SERPINB10: variants seen among roughly 807,000 people sequenced by gnomAD.
SERPINB10 encodes serpin family B member 10, also known as serpin B10.
SERPINB10 carries 35 observed loss-of-function variants against 39.1 expected under a neutral mutation model. That is an observed-to-expected ratio of 0.90 (90% confidence interval 0.68 to 1.19). The LOEUF is 1.19. Among genes scored for constraint, SERPINB10 ranks in the 50% most tolerant of loss-of-function variants. The pLI, the probability that SERPINB10 is intolerant of heterozygous loss-of-function variation, is 0.00. For missense variants in SERPINB10, 546 were observed against 460.5 expected, an observed-to-expected ratio of 1.19 and a Z score of -1.70; for synonymous variants, 190 against 158.1, an observed-to-expected ratio of 1.20 and a Z score of -1.52.
chr18:63,929,727 AAAAAAAG>A (rs1429556442), intron 5 of SERPINB10, among the ~76,000 whole-genome samples: 6 of 88,458 alleles, frequency 6.8e-5, no homozygotes, highest in Admixed American at 4.2e-4. Context: ...AAAAAAAAAA[AAAAAAAG>A]AAAAAAAAAA....
rs376356839 is a variant in SERPINB10 at position 63,924,322 on chromosome 18, C to G, written c.490+4417C>G. Among the ~76,000 whole-genome samples the G allele has an allele frequency of 3.3e-5, 5 of 152,092 alleles. No homozygotes were observed. The East Asian group carries it at 7.8e-4, about 24-fold the overall frequency. The stretch of plus-strand genomic sequence containing the variant: ...GGGAATTCCTAGTACCTTGGGAACA[C>G]TGTTCTAACTCCACTGTGACATACG... On this transcript the variant is annotated intron_variant, in intron 5 of 7. Coordinates refer to ENST00000238508, the MANE Select transcript of SERPINB10 (RefSeq NM_005024.3).
Position 63,935,398 on chromosome 18 carries a change from A to T in SERPINB10, c.*156A>T. On this transcript the variant is annotated 3_prime_UTR_variant, in exon 8 of 8. Coordinates refer to ENST00000238508, the MANE Select transcript of SERPINB10 (RefSeq NM_005024.3). ...GATCTTGAAATAATGCATTCTAATG[A>T]TCCTGTCATATCTGTACAGCTGGAG... 1 of 687,152 alleles carries T rather than the reference A, an allele frequency of 1.5e-6. No homozygotes were observed. Among genetic ancestry groups the T allele is most frequent in the Non-Finnish European group, 2.4e-6 (1 of 422,834 alleles). The allele number at this position is 687,152 out of a possible 1,614,324, so 42.6% of individuals were successfully genotyped here.
At chr18:63,913,023 G>T (rs887380166) in intron 1 of SERPINB10, among the ~76,000 whole-genome samples, 1 of 151,674 alleles carries the variant, frequency 6.6e-6, no homozygotes, top group Non-Finnish European at 1.5e-5. Context: ...TGTGTTTTCA[G>T]GAATTTATTC....
At chr18:63,921,850 C>T (rs915985312) in intron 5 of SERPINB10, among the ~76,000 whole-genome samples, 3 of 151,784 alleles carry the variant, frequency 2.0e-5, no homozygotes, top group African/African-American at 7.3e-5. Context: ...TAGAATGTCC[C>T]GAACTCCCTG....
At position 63,919,828 on chromosome 18, in the gene SERPINB10, C is replaced by T. The variant is rs1230593029; in HGVS notation, c.413C>T (p.Pro138Leu). Reference protein sequence around the residue: ...EDMKTYFGAEPQPVNFVEASD... With the variant: ...EDMKTYFGAELQPVNFVEASD... ...ATGAAAACATATTTTGGTGCAGAACCTCAGCCTGTTAACTTTGTGGAAGCT... is the reference window on the plus strand; with the variant it reads ...ATGAAAACATATTTTGGTGCAGAACTTCAGCCTGTTAACTTTGTGGAAGCT... The change falls in exon 5 of 8, where the codon CCT (proline) becomes CTT (leucine). Residue 138 changes from proline (P) to leucine (L), a missense_variant. Coordinates refer to ENST00000238508, the MANE Select transcript of SERPINB10 (RefSeq NM_005024.3). 4 of 1,608,972 alleles carry T rather than the reference C, an allele frequency of 2.5e-6. No homozygotes were observed. The highest frequency in any genetic ancestry group is 3.4e-5 in the Admixed American group (2 of 59,380).
rs61733368 is a variant in SERPINB10 at position 63,930,110 on chromosome 18, G to A, written c.556G>A (p.Ala186Thr). The A allele has an allele frequency of 2.4e-4, 394 of 1,613,502 alleles. No homozygotes were observed. The African/African-American group carries it at 4.1e-3, about 17-fold the overall frequency. The change falls in exon 6 of 8, where the codon GCC becomes ACC. Residue 186 changes from alanine to threonine, a missense_variant. Coordinates refer to ENST00000238508, the MANE Select transcript of SERPINB10 (RefSeq NM_005024.3). ...CACAACCAGGATGATTCTGGTGAACGCCCTATACTTTAAAGGAATCTGGGA... is the reference window on the plus strand; with the variant it reads ...CACAACCAGGATGATTCTGGTGAACACCCTATACTTTAAAGGAATCTGGGA... Reference protein sequence around the residue: ...DSTTRMILVNALYFKGIWEHQ... With the variant: ...DSTTRMILVNTLYFKGIWEHQ...
chr18:63,915,040 G>A (rs1383683186), intron 1 of SERPINB10, among the ~76,000 whole-genome samples: 4 of 152,048 alleles, frequency 2.6e-5, no homozygotes, highest in Middle Eastern at 6.8e-3. Flanking sequence ...CGTGAATATC[G>A]TAAATGAGTA....
intron 7 of SERPINB10, 21 bp from the exon 8 acceptor site, chr18:63,934,817 T>G: frequency 6.4e-7 from 1 of 1,573,056 alleles, no homozygotes; most frequent in Non-Finnish European, 8.6e-7. Context: ...GATTCTTTCT[T>G]TCTTGGTTCC....
chr18:63,931,663 T>C (rs1424385519), intron 6 of SERPINB10, among the ~76,000 whole-genome samples: 1 of 152,108 alleles, frequency 6.6e-6, no homozygotes, highest in Non-Finnish European at 1.5e-5. Context: ...AGGGCTCTCA[T>C]ATGTCCCCCC....
chr18:63,929,910 C>T (rs2050209035), intron 5 of SERPINB10, 135 bp from the exon 6 acceptor site: 2 of 833,078 alleles, frequency 2.4e-6, no homozygotes, highest in Non-Finnish European at 3.7e-6. Flanking sequence ...AGTACTTGTC[C>T]ATTTCCAGAA....
chr18:63,919,309 A>G (rs1473552797), intron 4 of SERPINB10, among the ~76,000 whole-genome samples: 2 of 149,642 alleles, frequency 1.3e-5, no homozygotes, highest in Non-Finnish European at 3.0e-5. Flanking sequence ...TCATGGCAGG[A>G]TATCATTTTC....
Position 63,908,055 on chromosome 18 carries a change from T to C in SERPINB10, c.-10+15T>C. On this transcript the variant is annotated intron_variant, in intron 1 of 7. Coordinates refer to ENST00000238508, the MANE Select transcript of SERPINB10 (RefSeq NM_005024.3). ...GAGAAAACAAGGTATTGTAAATATTTCTTTGGTTAATGATTTTATTTATGT... is the reference window on the plus strand; with the variant it reads ...GAGAAAACAAGGTATTGTAAATATTCCTTTGGTTAATGATTTTATTTATGT... 3.1e-6 allele frequency: 1 copy of C among 317,894 alleles called. No individual in the cohort carries two copies. The highest frequency in any genetic ancestry group is 2.6e-5 in the South Asian group (1 of 38,568). The allele number at this position is 317,894 out of a possible 1,614,324, so 19.7% of individuals were successfully genotyped here. A position where few individuals can be genotyped will look rare whatever the true frequency, so the allele number is the denominator to read the frequency against.
At chr18:63,908,553 T>C (rs2144714399) in intron 1 of SERPINB10, among the ~76,000 whole-genome samples, 1 of 152,122 alleles carries the variant, frequency 6.6e-6, no homozygotes, top group South Asian at 2.1e-4. Context: ...AACCCCACTC[T>C]CCTCTCCTGG....
At chr18:63,910,369 G>A (rs2050055079) in intron 1 of SERPINB10, among the ~76,000 whole-genome samples, 1 of 151,976 alleles carries the variant, frequency 6.6e-6, no homozygotes, top group Non-Finnish European at 1.5e-5. Flanking sequence ...TATAATGTGT[G>A]ATGCTGAGGT....
chr18:63,930,099 T>C lies in SERPINB10; in HGVS notation c.545T>C (p.Ile182Thr), dbSNP rs374149526. 9 of 1,613,478 alleles carry C rather than the reference T, an allele frequency of 5.6e-6. No homozygotes were observed. The highest frequency in any genetic ancestry group is 1.3e-5 in the African/African-American group (1 of 74,912). The change falls in exon 6 of 8, where the codon ATT becomes ACT. Residue 182 changes from isoleucine to threonine, a missense_variant. By Grantham distance (89) the Ile-to-Thr change is moderately conservative. Coordinates refer to ENST00000238508, the MANE Select transcript of SERPINB10 (RefSeq NM_005024.3). ...TCTGTGGATTCCACAACCAGGATGA[T>C]TCTGGTGAACGCCCTATACTTTAAA... ...DDSVDSTTRMILVNALYFKGI... is the reference protein window; with the variant it reads ...DDSVDSTTRMTLVNALYFKGI...
rs1394948395 is a variant in SERPINB10, at chr18:63,935,223, G to A, written c.1175G>A (p.Gly392Glu). The A allele has an allele frequency of 2.5e-6, 4 of 1,593,982 alleles. No individual in the cohort carries two copies. The highest frequency in any genetic ancestry group is 3.4e-6 in the Non-Finnish European group (4 of 1,170,884). ...AAAACCAACACCATTCTTTTTTATG[G>A]AAGATTATGCTCCCCCTAAATCCTG... ...HNKTNTILFY[G>E]RLCSP Residue 392 changes from glycine (G) to glutamate (E), a missense_variant, in exon 8 of 8, where the codon GGA (glycine) becomes GAA (glutamate). Coordinates refer to ENST00000238508, the MANE Select transcript of SERPINB10 (RefSeq NM_005024.3).
chr18:63,907,973 A>G lies in SERPINB10; in HGVS notation c.-77A>G. 1 of 320,932 alleles carries G rather than the reference A, an allele frequency of 3.1e-6. No homozygotes were observed. 19.9% of individuals were successfully genotyped at this position (320,932 alleles called of 1,614,324 possible). On this transcript the variant is annotated 5_prime_UTR_variant, in exon 1 of 8. Transcript: ENST00000238508. Reference sequence around the variant, plus strand: ...TAATTTCTTCAGTTGAAAGTTTCTCAACTCTTCAGCCACAATCTCTTACTA... The same window carrying G: ...TAATTTCTTCAGTTGAAAGTTTCTCGACTCTTCAGCCACAATCTCTTACTA...
At chr18:63,915,808 C>A in intron 2 of SERPINB10, 130 bp downstream of exon 2, 1 of 785,292 alleles carries the variant, frequency 1.3e-6, no homozygotes, top group Non-Finnish European at 1.9e-6. Flanking sequence ...ACAAGACATA[C>A]ATTAAAACAT....
At chr18:63,918,636 A>G (rs1193622726) in intron 4 of SERPINB10, among the ~76,000 whole-genome samples, 1 of 152,062 alleles carries the variant, frequency 6.6e-6, no homozygotes, top group Admixed American at 6.6e-5. Context: ...GTGGGCAAAG[A>G]GCAAGGAAAT....
Sources: gnomAD v4.1 joint callset for allele counts (sites outside exome capture counted in the v4.1 genomes callset) on GRCh38, gnomAD v4.1.1 for gene constraint, MANE v1.5 for transcripts, NCBI Gene and HGNC (gene_info 2026-07-23, HGNC 2026-07-21) for gene names.